SMAD3: variants seen among roughly 807,000 people sequenced by gnomAD.
SMAD3 encodes MAD homolog 3.
SMAD3 carries 12 observed loss-of-function variants against 51.8 expected under a neutral mutation model. The ratio of observed to expected loss-of-function variants is 0.23; its 90% confidence interval spans 0.15 to 0.38. The LOEUF (loss-of-function observed/expected upper bound fraction) is 0.38, where lower values mean the gene tolerates loss of function less well. Among genes scored for constraint, SMAD3 ranks in the 10% least tolerant of loss-of-function variants. The probability of loss-of-function intolerance (pLI) is 1.00; values close to 1 mark genes in which losing one functional copy is unlikely to be tolerated. For synonymous variants in SMAD3, 238 were observed against 227.7 expected (o/e 1.05, Z -0.41); for missense variants, 294 against 565.6 (o/e 0.52, Z 4.87).
intron 1 of SMAD3, among the ~76,000 whole-genome samples, chr15:67,109,947 C>T (rs887099233): frequency 3.5e-4 from 54 of 152,292 alleles, no homozygotes; most frequent in African/African-American, 1.3e-3. Flanking sequence ...GGCTCGTCAG[C>T]GGGGGAAACC....
At chr15:67,104,004 G>A (rs1000564270) in intron 1 of SMAD3, among the ~76,000 whole-genome samples, 2 of 152,184 alleles carry the variant, frequency 1.3e-5, no homozygotes, top group South Asian at 2.1e-4. Context: ...AAGCCTGGAG[G>A]AAGGAAAGGG....
chr15:67,137,947 C>A (rs770563501), intron 1 of SMAD3: 19 of 1,025,430 alleles, frequency 1.9e-5, no homozygotes, highest in Admixed American at 8.0e-5. Flanking sequence ...TACTAGAATT[C>A]GGACTTCTAG....
chr15:67,123,495 G>T (rs904010815), intron 1 of SMAD3, among the ~76,000 whole-genome samples: 2 of 152,020 alleles, frequency 1.3e-5, no homozygotes, highest in African/African-American at 2.4e-5. Flanking sequence ...GCAAAACTCC[G>T]TCTCAAAAAA....
chr15:67,184,660 C>T (rs1963171995), intron 6 of SMAD3, 67 bp from the exon 7 acceptor site: 4 of 1,581,228 alleles, frequency 2.5e-6, no homozygotes, highest in Non-Finnish European at 3.5e-6. Flanking sequence ...TTGCGAGCCT[C>T]AGGTGGCCCC....
chr15:67,192,244 C>T lies in SMAD3; in HGVS notation c.*1708C>T. The T allele has an allele frequency of 4.3e-6, 1 of 232,864 alleles. No homozygotes were observed. Among genetic ancestry groups the T allele is most frequent in the Non-Finnish European group, 8.5e-6 (1 of 117,486 alleles). 14.4% of individuals were successfully genotyped at this position (232,864 alleles called of 1,614,324 possible). A position where few individuals can be genotyped will look rare whatever the true frequency, so the allele number is the denominator to read the frequency against. ...GATGCCTCATCTGCAGGGTCCTGTG[C>T]CTCTGAAGTTCTAGCCATGAGGTTT... On this transcript the variant is annotated 3_prime_UTR_variant, in exon 9 of 9. Transcript: ENST00000327367.
intron 1 of SMAD3, among the ~76,000 whole-genome samples, chr15:67,157,550 G>C (rs915899694): frequency 3.3e-5 from 5 of 152,264 alleles, no homozygotes; most frequent in Non-Finnish European, 7.3e-5. Flanking sequence ...TGCCTGGCAC[G>C]TAGTTCATGC....
chr15:67,191,747 T>C lies in SMAD3; in HGVS notation c.*1211T>C. The C allele has an allele frequency of 4.3e-6, 1 of 230,698 alleles. No individual in the cohort carries two copies. The highest frequency in any genetic ancestry group is 8.6e-6 in the Non-Finnish European group (1 of 116,408). 14.3% of individuals were successfully genotyped at this position (230,698 alleles called of 1,614,324 possible). A position where few individuals can be genotyped will look rare whatever the true frequency, so the allele number is the denominator to read the frequency against. ...GCCAACATAGGCAAATGAAAAGGGCTATTAAAATATTTTTACACCTTTGAA... is the reference window on the plus strand; with the variant it reads ...GCCAACATAGGCAAATGAAAAGGGCCATTAAAATATTTTTACACCTTTGAA... On this transcript the variant is annotated 3_prime_UTR_variant, in exon 9 of 9. Transcript: ENST00000327367.
chr15:67,088,108 C>G (rs1045659664), intron 1 of SMAD3, among the ~76,000 whole-genome samples: 1 of 152,196 alleles, frequency 6.6e-6, no homozygotes, highest in Non-Finnish European at 1.5e-5. Flanking sequence ...AGTTTATCCC[C>G]TACTCTCACC....
At chr15:67,112,140 T>C (rs78110138) in intron 1 of SMAD3, among the ~76,000 whole-genome samples, 13 of 83,118 alleles carry the variant, frequency 1.6e-4, no homozygotes, top group Non-Finnish European at 2.9e-4. Flanking sequence ...TAGCCATTTC[T>C]TTTTTTTTCT....
Position 67,166,708 on chromosome 15 carries a change from T to C in SMAD3, c.533-71T>C, listed in dbSNP as rs899384637. On this transcript the variant is annotated intron_variant, in intron 3 of 8. Coordinates refer to ENST00000327367, the MANE Select transcript of SMAD3 (RefSeq NM_005902.4). ...AGCATCATGGTGTGCATGTGTGATG[T>C]CTTTGCAAAAGGTGTCTCAGAGCCA... 4.0e-6 allele frequency: 4 copies of C among 993,246 alleles called. No homozygotes were observed. The Admixed American group carries it at 6.0e-5, about 15-fold the overall frequency. The allele number at this position is 993,246 out of a possible 1,614,324, so 61.5% of individuals were successfully genotyped here.
chr15:67,067,119 C>T (rs1277257895), intron 1 of SMAD3, among the ~76,000 whole-genome samples: 1 of 151,292 alleles, frequency 6.6e-6, no homozygotes, highest in Non-Finnish European at 1.5e-5. Flanking sequence ...ATTTTGAAAC[C>T]GTGCAGAACG....
intron 1 of SMAD3, among the ~76,000 whole-genome samples, chr15:67,111,347 A>G (rs1961010456): frequency 6.6e-6 from 1 of 152,228 alleles, no homozygotes; most frequent in Admixed American, 6.5e-5. Context: ...GCCAAATAGT[A>G]TTCCAGTGTA....
intron 7 of SMAD3, chr15:67,186,919 G>A (rs1018576333): frequency 8.1e-6 from 3 of 370,522 alleles, no homozygotes; most frequent in Admixed American, 6.8e-5. Flanking sequence ...GCTGTGGAAC[G>A]GCCAGAGCTC....
intron 3 of SMAD3, 114 bp from the exon 4 acceptor site, chr15:67,166,665 C>T (rs759074493): frequency 4.8e-5 from 36 of 756,672 alleles, no homozygotes; most frequent in Non-Finnish European, 7.8e-5. Context: ...ACCTGGAGCT[C>T]CTACAGCCAC....
At position 67,166,466 on chromosome 15, in the gene SMAD3, G is replaced by C. The variant is rs769596050; in HGVS notation, c.533-313G>C. 8.2e-6 allele frequency: 4 copies of C among 488,728 alleles called. No homozygotes were observed. In the Admixed American group the frequency reaches 1.3e-4, roughly 16 times the overall value. The allele number at this position is 488,728 out of a possible 1,614,324, so 30.3% of individuals were successfully genotyped here. ...GGCAAGTCTGGACGCCTCCCTGGAG[G>C]GGGTGGGGCTTAACCCTCACCTTGA... On this transcript the variant is annotated intron_variant, in intron 3 of 8. Transcript: ENST00000327367.
chr15:67,182,995 AAAAAAATAT>A (rs1274131615), intron 6 of SMAD3, among the ~76,000 whole-genome samples: 41 of 57,424 alleles, frequency 7.1e-4, no homozygotes, highest in East Asian at 3.8e-3. Flanking sequence ...TTAAAAAAAA[AAAAAAATAT>A]ATATATATAT....
intron 6 of SMAD3, among the ~76,000 whole-genome samples, chr15:67,184,296 G>A (rs2140319187): frequency 6.6e-6 from 1 of 152,134 alleles, no homozygotes; most frequent in African/African-American, 2.4e-5. Context: ...TTGTAGAGAT[G>A]AAGTCTCATT....
At chr15:67,183,052 G>A (rs1378478728) in intron 6 of SMAD3, among the ~76,000 whole-genome samples, 4 of 31,262 alleles carry the variant, frequency 1.3e-4, no homozygotes, top group African/African-American at 4.9e-4. Flanking sequence ...TTTTTTTTTT[G>A]GAGCGGGGAG....
chr15:67,066,791 G>C (rs1959932169), intron 1 of SMAD3, among the ~76,000 whole-genome samples: 1 of 152,160 alleles, frequency 6.6e-6, no homozygotes, highest in Non-Finnish European at 1.5e-5. Flanking sequence ...GTGTCTTTGC[G>C]TTTCTTTTCT....
Sources: gnomAD v4.1 joint callset for allele counts (sites outside exome capture counted in the v4.1 genomes callset) on GRCh38, gnomAD v4.1.1 for gene constraint, MANE v1.5 for transcripts, NCBI Gene and HGNC (gene_info 2026-07-23, HGNC 2026-07-21) for gene names.